ICA1: variants seen among roughly 807,000 people sequenced by gnomAD.
ICA1 encodes 69 kDa islet cell autoantigen.
Under a neutral mutation model 71.0 loss-of-function variants are expected in ICA1, and 40 were observed. The ratio of observed to expected loss-of-function variants is 0.56; its 90% confidence interval spans 0.44 to 0.73. The LOEUF is 0.73. Among genes scored for constraint, ICA1 ranks in the 30% least tolerant of loss-of-function variants. ICA1 has a pLI of 0.00. For missense variants in ICA1, 578 were observed against 576.5 expected (o/e 1.00, Z -0.03); for synonymous variants, 207 against 209.5 (o/e 0.99, Z 0.10).
rs776079079 is a variant in ICA1 at position 8,218,419 on chromosome 7, C to T, written c.465G>A (p.Thr155=). Residue 155 remains threonine (T), a synonymous_variant, in exon 6 of 14, where the codon ACG becomes ACA. Transcript: ENST00000402384. ...TCCTGCACTGTTCCATGCGGTTCAC[C>T]GTCAGCCAAGTATCTGAGATGGCCC... ...RHRAISDTWL[T]VNRMEQCRTE... 10 of 1,613,976 alleles carry T rather than the reference C, an allele frequency of 6.2e-6. No homozygotes were observed. In the African/African-American group the frequency reaches 6.7e-5, roughly 11 times the overall value.
chr7:8,135,387 T>A (rs1289924097), intron 12 of ICA1, among the ~76,000 whole-genome samples: 1 of 151,878 alleles, frequency 6.6e-6, no homozygotes, highest in Non-Finnish European at 1.5e-5. Flanking sequence ...GGCTACAGGA[T>A]GATCAGCTAA....
intron 4 of ICA1, among the ~76,000 whole-genome samples, chr7:8,227,434 G>T (rs1798936572): frequency 6.6e-6 from 1 of 152,138 alleles, no homozygotes. Flanking sequence ...TGAATGTGGG[G>T]AAGATAAATG....
chr7:8,185,041 T>C (rs1388536240), intron 6 of ICA1, among the ~76,000 whole-genome samples: 1 of 149,976 alleles, frequency 6.7e-6, no homozygotes, highest in Non-Finnish European at 1.5e-5. Context: ...GCCACTGCAC[T>C]CCAGCCTGGG....
At position 8,139,037 on chromosome 7, in the gene ICA1, T is replaced by C. The variant is rs973470538; in HGVS notation, c.966A>G (p.Gly322=). 6.2e-7 allele frequency: 1 copy of C among 1,613,236 alleles called. No individual in the cohort carries two copies. Among genetic ancestry groups the C allele is most frequent in the Non-Finnish European group, 8.5e-7 (1 of 1,179,282 alleles). Residue 322 remains glycine, a synonymous_variant, in exon 11 of 14, where the codon GGA becomes GGG. Transcript: ENST00000402384. ...KESSSFKTED[G]KSILSALDKG... is the part of the protein sequence containing the mutation. ...TGTCTAAGGCAGATAAAATACTTTT[T>C]CCATCTTCAGCTGTAATATAACATG...
chr7:8,156,695 G>T, intron 8 of ICA1: 1 of 788,868 alleles, frequency 1.3e-6, no homozygotes, highest in South Asian at 2.9e-5. Context: ...GAGGAAAGGA[G>T]GACACCTTCT....
chr7:8,119,436 AGAG>A (rs1785957768), intron 13 of ICA1, among the ~76,000 whole-genome samples: 1 of 152,212 alleles, frequency 6.6e-6, no homozygotes, highest in African/African-American at 2.4e-5. Flanking sequence ...CGCATTCCTA[AGAG>A]GAGGCAGAAA....
rs916761494 is a variant in ICA1 at position 8,237,815 on chromosome 7, G to GACACACAC, written c.-79-1811_-79-1810insGTGTGTGT. 5.5e-3 allele frequency among the ~76,000 whole-genome samples: 748 copies of GACACACAC among 135,270 alleles called. 4 individuals are homozygous for GACACACAC. Among genetic ancestry groups the GACACACAC allele is most frequent in the African/African-American group, 0.021 (653 of 30,860 alleles). The allele number at this position is 135,270 out of a possible 152,430, so 88.7% of individuals were successfully genotyped here. ...ATTGCATTGTATATGCAATGTTGAA[G>GACACACAC]ACAGACACACACACACACACACACA... On this transcript the variant is annotated intron_variant, in intron 1 of 13. Transcript: ENST00000402384.
intron 6 of ICA1, among the ~76,000 whole-genome samples, chr7:8,208,330 C>T (rs994445044): frequency 6.6e-5 from 10 of 152,154 alleles, no homozygotes; most frequent in African/African-American, 2.2e-4. Context: ...ATTCGGGAAA[C>T]AGTAGCTACA....
Position 8,138,971 on chromosome 7 carries a change from T to G in ICA1, c.1018+14A>C. ...AATAATTAAAATTGAGTAGTTTTCCTTAATCTAGGTTACCTGAGCATGCAG... is the reference window on the plus strand; with the variant it reads ...AATAATTAAAATTGAGTAGTTTTCCGTAATCTAGGTTACCTGAGCATGCAG... On this transcript the variant is annotated intron_variant, in intron 11 of 13. Transcript: ENST00000402384. 6.2e-7 allele frequency: 1 copy of G among 1,609,264 alleles called. No homozygotes were observed. The highest frequency in any genetic ancestry group is 8.5e-7 in the Non-Finnish European group (1 of 1,175,908).
rs1446209155 is a variant in ICA1 at position 8,113,566 on chromosome 7, G to T, written c.*357C>A. ...TTGCTAGCCTCCTGCTGCCTCTGAG[G>T]CTGTAGGACACGTCATTCAAACCTA... On this transcript the variant is annotated 3_prime_UTR_variant, in exon 14 of 14. Transcript: ENST00000402384. This position sits in a 1 kb window ranked among gnomAD's most constrained non-coding sequence, Gnocchi z 4.2. The T allele has an allele frequency of 1.1e-5, 2 of 183,236 alleles. No homozygotes were observed. The highest frequency in any genetic ancestry group is 2.3e-5 in the Non-Finnish European group (2 of 86,390). 11.4% of individuals were successfully genotyped at this position (183,236 alleles called of 1,614,324 possible). A position where few individuals can be genotyped will look rare whatever the true frequency, so the allele number is the denominator to read the frequency against.
At chr7:8,174,114 G>A (rs1779732053) in intron 6 of ICA1, among the ~76,000 whole-genome samples, 1 of 152,140 alleles carries the variant, frequency 6.6e-6, no homozygotes, top group African/African-American at 2.4e-5. Flanking sequence ...TCAGGGGGAA[G>A]AAGACTCAGC....
At chr7:8,236,622 T>C (rs745402406) in intron 1 of ICA1, among the ~76,000 whole-genome samples, 1 of 151,906 alleles carries the variant, frequency 6.6e-6, no homozygotes, top group Non-Finnish European at 1.5e-5. Context: ...CAAAAAAGGG[T>C]TGATATGCTT....
intron 6 of ICA1, among the ~76,000 whole-genome samples, chr7:8,174,766 A>ACC (rs35190464): frequency 7.3e-5 from 7 of 95,844 alleles, no homozygotes; most frequent in East Asian, 4.2e-4. Flanking sequence ...AAAAAAAAAA[A>ACC]AAAAAAAAAA....
chr7:8,194,693 T>C (rs1786817000), intron 6 of ICA1, among the ~76,000 whole-genome samples: 1 of 152,220 alleles, frequency 6.6e-6, no homozygotes, highest in African/African-American at 2.4e-5. Flanking sequence ...CTCACAAATG[T>C]AAGCAACCTA....
chr7:8,202,874 G>A (rs529477076), intron 6 of ICA1, among the ~76,000 whole-genome samples: 5,589 of 149,878 alleles, frequency 0.037, 130 homozygotes, highest in Middle Eastern at 0.083. Context: ...CACACCGCAC[G>A]AATGGGGGAA....
chr7:8,142,166 T>C (rs1368926133), intron 9 of ICA1: 2 of 478,662 alleles, frequency 4.2e-6, no homozygotes, highest in Non-Finnish European at 7.0e-6. Flanking sequence ...AATCCATTTC[T>C]TCTGATTCCT....
chr7:8,202,053 C>T (rs2128335349), intron 6 of ICA1, among the ~76,000 whole-genome samples: 1 of 152,294 alleles, frequency 6.6e-6, no homozygotes, highest in African/African-American at 2.4e-5. Flanking sequence ...GCAGAGAATG[C>T]TTCTGAAAGG....
At chr7:8,141,842 C>T (rs763308474) in intron 9 of ICA1, 25 bp from the exon 10 acceptor site, 1 of 1,495,402 alleles carries the variant, frequency 6.7e-7, no homozygotes, top group Non-Finnish European at 9.2e-7. Flanking sequence ...GAGGTTTAGT[C>T]ATCAACTTCT....
chr7:8,124,111 A>ATTT (rs536582712), intron 13 of ICA1, among the ~76,000 whole-genome samples: 55 of 107,410 alleles, frequency 5.1e-4, no homozygotes, highest in East Asian at 7.2e-4. Flanking sequence ...GAATCATACA[A>ATTT]TTTTTTTTTT....
Sources: gnomAD v4.1 joint callset for allele counts (sites outside exome capture counted in the v4.1 genomes callset) on GRCh38, gnomAD v4.1.1 for gene constraint, Gnocchi (gnomAD v3.1) non-coding constraint, MANE v1.5 for transcripts, NCBI Gene and HGNC (gene_info 2026-07-23, HGNC 2026-07-21) for gene names.